The following NFYC variants were observed in gnomAD, a reference collection of about 807,000 sequenced individuals.
NFYC encodes CAAT box DNA-binding protein subunit C.
Under a neutral mutation model 53.1 loss-of-function variants are expected in NFYC, and 25 were observed. The ratio of observed to expected loss-of-function variants is 0.47; its 90% CI spans 0.34 to 0.66. The LOEUF (loss-of-function observed/expected upper bound fraction) is 0.66, where lower values mean the gene tolerates loss of function less well. NFYC is among the 30% of genes least tolerant of loss of function. NFYC has a pLI of 0.01. For synonymous variants in NFYC, 145 were observed against 152.6 expected, an observed-to-expected ratio of 0.95 and a Z score of 0.37; for missense variants, 260 against 422.7, an observed-to-expected ratio of 0.62 and a Z score of 3.38.
At chr1:40,697,253 C>T (rs1282848536) in intron 1 of NFYC, among the ~76,000 whole-genome samples, 2 of 152,182 alleles carry the variant, frequency 1.3e-5, no homozygotes, top group Non-Finnish European at 1.5e-5. Context: ...GAAATCTGTC[C>T]TTTCAGCCCG....
At chr1:40,721,432 G>A (rs1644323003) in intron 1 of NFYC, among the ~76,000 whole-genome samples, 1 of 152,286 alleles carries the variant, frequency 6.6e-6, no homozygotes, top group Non-Finnish European at 1.5e-5. Flanking sequence ...GTTGAGTGGG[G>A]AGCTGCCTGG....
In NFYC at chr1:40,766,686, G is replaced by T. The variant is rs1187638417; in HGVS notation, c.811G>T (p.Ala271Ser). 7 of 1,613,892 alleles carry T rather than the reference G, an allele frequency of 4.3e-6. No individual in the cohort carries two copies. The highest frequency in any genetic ancestry group is 5.9e-6 in the Non-Finnish European group (7 of 1,179,948). Residue 271 changes from alanine (A) to serine (S), a missense_variant, in exon 8 of 10, where the codon GCC becomes TCC. Transcript: ENST00000447388. ...TGTGCAGGGACAGATCCAGACACTT[G>T]CCACCAATGCTCAACAGGTATGTGC... ...QVVQGQIQTL[A>S]TNAQQITQTE...
At chr1:40,768,275 C>T (rs888869631) in intron 8 of NFYC, among the ~76,000 whole-genome samples, 5 of 152,354 alleles carry the variant, frequency 3.3e-5, no homozygotes, top group East Asian at 1.9e-4. Flanking sequence ...TTCCATTTGT[C>T]TCAGGCTCAC....
intron 1 of NFYC, among the ~76,000 whole-genome samples, chr1:40,720,444 C>T (rs941901648): frequency 6.6e-6 from 1 of 152,178 alleles, no homozygotes; most frequent in African/African-American, 2.4e-5. Flanking sequence ...TCTCCAACCC[C>T]ACTCTTGTGG....
chr1:40,747,034 G>T (rs1031505859), intron 2 of NFYC, among the ~76,000 whole-genome samples: 3 of 152,182 alleles, frequency 2.0e-5, no homozygotes, highest in African/African-American at 7.2e-5. Flanking sequence ...TGTCAGAAAT[G>T]GCCACTATCA....
intron 6 of NFYC, among the ~76,000 whole-genome samples, chr1:40,759,535 CAAAA>C (rs912688363): frequency 2.3e-5 from 3 of 130,988 alleles, no homozygotes; most frequent in Non-Finnish European, 4.9e-5. Flanking sequence ...GATCCTGTCT[CAAAA>C]AAAAAACAAA....
chr1:40,739,574 G>A (rs1188025129), intron 2 of NFYC, among the ~76,000 whole-genome samples: 2 of 152,112 alleles, frequency 1.3e-5, no homozygotes, highest in Non-Finnish European at 2.9e-5. Context: ...CCAGACATTG[G>A]CAAATGTCCC....
chr1:40,701,313 C>G (rs1171810622), intron 1 of NFYC, among the ~76,000 whole-genome samples: 3 of 152,152 alleles, frequency 2.0e-5, no homozygotes, highest in Non-Finnish European at 4.4e-5. Flanking sequence ...TGGGGTTTCA[C>G]CACGTTGGCC....
intron 3 of NFYC, among the ~76,000 whole-genome samples, chr1:40,748,205 C>T (rs1050013898): frequency 6.6e-6 from 1 of 152,124 alleles, no homozygotes; most frequent in Admixed American, 6.5e-5. Context: ...AATCACGGCT[C>T]ACTGTAGCCT....
In NFYC at chr1:40,691,788, G is replaced by A; in HGVS notation, c.-88G>A. On this transcript the variant is annotated 5_prime_UTR_variant, in exon 1 of 10. Coordinates refer to ENST00000447388, the MANE Select transcript of NFYC (RefSeq NM_014223.5). ...TGACGCACACTTCCCCCTCCCCTCCGCCGCGCCTGGGCCTCTGCATTGCCC... is the reference window on the plus strand; with the variant it reads ...TGACGCACACTTCCCCCTCCCCTCCACCGCGCCTGGGCCTCTGCATTGCCC... 1 of 452,324 alleles carries A rather than the reference G, an allele frequency of 2.2e-6. No individual in the cohort carries two copies. The highest frequency in any genetic ancestry group is 4.4e-6 in the Non-Finnish European group (1 of 225,058). The allele number at this position is 452,324 out of a possible 1,614,324, so 28.0% of individuals were successfully genotyped here.
Position 40,749,584 on chromosome 1 carries a change from A to G in NFYC, c.189A>G (p.Ala63=), listed in dbSNP as rs1298249482. The G allele has an allele frequency of 1.9e-6, 3 of 1,613,892 alleles. No homozygotes were observed. The highest frequency in any genetic ancestry group is 1.7e-5 in the Admixed American group (1 of 60,012). ...TGTGTCTGTTACAGATGATCAGTGC[A>G]GAAGCGCCTGTACTCTTTGCCAAGG... The part of the protein sequence containing the change: ...KLDEDVKMIS[A]EAPVLFAKAA... Residue 63 remains alanine (A), a synonymous_variant, in exon 4 of 10, where the codon GCA becomes GCG. Transcript: ENST00000447388.
chr1:40,738,310 G>A (rs1454946075), intron 1 of NFYC, among the ~76,000 whole-genome samples: 1 of 152,160 alleles, frequency 6.6e-6, no homozygotes, highest in African/African-American at 2.4e-5. Flanking sequence ...TGGAACCACA[G>A]GCATGCACCT....
At position 40,707,186 on chromosome 1, in the gene NFYC, A is replaced by T. The variant is rs574623874; in HGVS notation, c.-9+15319A>T. Among the ~76,000 whole-genome samples, 23 of 150,420 alleles carry T rather than the reference A, an allele frequency of 1.5e-4. No individual in the cohort carries two copies. The South Asian group carries it at 3.8e-3, about 25-fold the overall frequency. Reference sequence around the variant, plus strand: ...CTCTGCCTCAAAAAAAAAAAAGAAAATTTTTTTATATATATATGGTAGAAG... The same window carrying T: ...CTCTGCCTCAAAAAAAAAAAAGAAATTTTTTTTATATATATATGGTAGAAG... On this transcript the variant is annotated intron_variant, in intron 1 of 9. Transcript: ENST00000447388.
intron 6 of NFYC, chr1:40,758,530 T>C: frequency 2.3e-6 from 1 of 427,010 alleles, no homozygotes; most frequent in Non-Finnish European, 4.1e-6. Context: ...CAGTATGTTC[T>C]CCAGGATCCC....
At chr1:40,755,507 G>C (rs1254116317) in intron 5 of NFYC, among the ~76,000 whole-genome samples, 1 of 152,226 alleles carries the variant, frequency 6.6e-6, no homozygotes, top group African/African-American at 2.4e-5. Context: ...GAAGGTAGGA[G>C]GTAGTTGAGG....
intron 7 of NFYC, chr1:40,763,494 G>A (rs915699710): frequency 1.6e-5 from 7 of 436,296 alleles, no homozygotes; most frequent in African/African-American, 4.1e-5. Flanking sequence ...TTATAGGCAC[G>A]TGCCACTATG....
At chr1:40,732,814 G>A (rs1269308132) in intron 1 of NFYC, among the ~76,000 whole-genome samples, 1 of 152,180 alleles carries the variant, frequency 6.6e-6, no homozygotes, top group African/African-American at 2.4e-5. Flanking sequence ...ATGTTTGTGT[G>A]TGTGTGTCCT....
chr1:40,719,374 A>G (rs1005549164), intron 1 of NFYC, among the ~76,000 whole-genome samples: 61 of 152,252 alleles, frequency 4.0e-4, no homozygotes, highest in Non-Finnish European at 2.2e-4. Flanking sequence ...GATTCCTCCT[A>G]TAAGTGGGCA....
At chr1:40,748,520 A>T (rs574478865) in intron 3 of NFYC, among the ~76,000 whole-genome samples, 24 of 152,338 alleles carry the variant, frequency 1.6e-4, no homozygotes, top group African/African-American at 5.5e-4. Flanking sequence ...AGCGTCTTAC[A>T]TAGTTTGTTG....
Sources: gnomAD v4.1 joint callset for allele counts (sites outside exome capture counted in the v4.1 genomes callset) on GRCh38, gnomAD v4.1.1 for gene constraint, MANE v1.5 for transcripts, NCBI Gene and HGNC (gene_info 2026-07-23, HGNC 2026-07-21) for gene names.